Variants in PHF24 observed in about 807,000 individuals in gnomAD.
The protein encoded by PHF24 is PHD finger protein 24.
A neutral mutation model predicts 42.6 loss-of-function variants in PHF24; 25 were observed. The ratio of observed to expected loss-of-function variants is 0.59; its 90% CI spans 0.43 to 0.82. PHF24 has a LOEUF of 0.82. Among genes scored for constraint, PHF24 ranks in the 40% least tolerant of loss-of-function variants. The pLI is 0.00. For synonymous variants in PHF24, 185 were observed against 204.8 expected (o/e 0.90, Z 0.83); for missense variants, 470 against 538.1 (o/e 0.87, Z 1.25).
chr9:34,954,357 T>C (rs180802184), upstream of PHF24, among the ~76,000 whole-genome samples: 15 of 152,310 alleles, frequency 9.8e-5, no homozygotes, highest in Non-Finnish European at 1.8e-4. Context: ...TTTGGTTGGG[T>C]GTCTACCTCT....
the PHF24 span, among the ~76,000 whole-genome samples, chr9:34,800,942 A>C: frequency 5.9e-5 from 9 of 152,272 alleles, no homozygotes; most frequent in African/African-American, 1.9e-4. Flanking sequence ...TAATATCTAG[A>C]CTCTACAAGG....
At chr9:34,849,566 C>G in the PHF24 span, among the ~76,000 whole-genome samples, 1 of 152,132 alleles carries the variant, frequency 6.6e-6, no homozygotes, top group Non-Finnish European at 1.5e-5. Flanking sequence ...ATTTGCCAGT[C>G]TGTGTCTTTT....
the PHF24 span, among the ~76,000 whole-genome samples, chr9:34,929,510 G>A: frequency 7.2e-5 from 11 of 152,246 alleles, no homozygotes; most frequent in South Asian, 1.7e-3. Flanking sequence ...ATAAATATTT[G>A]TGGGGAAAAA....
intron 1 of PHF24, among the ~76,000 whole-genome samples, chr9:34,961,357 C>G (rs1456488276): frequency 6.6e-6 from 1 of 152,172 alleles, no homozygotes; most frequent in Non-Finnish European, 1.5e-5. Context: ...ACCAAGAAAC[C>G]AAGACCATCA....
chr9:34,717,804 T>G, the PHF24 span, among the ~76,000 whole-genome samples: 2 of 152,148 alleles, frequency 1.3e-5, no homozygotes, highest in African/African-American at 4.8e-5. Flanking sequence ...CCTGTCTTTG[T>G]GTCTGCATGT....
the PHF24 span, among the ~76,000 whole-genome samples, chr9:34,908,239 ACTT>A: frequency 6.6e-6 from 1 of 152,202 alleles, no homozygotes; most frequent in Non-Finnish European, 1.5e-5. Context: ...AGGAAGGGGC[ACTT>A]CTTGTTGTAA....
At chr9:34,777,724 A>G in the PHF24 span, among the ~76,000 whole-genome samples, 1 of 152,212 alleles carries the variant, frequency 6.6e-6, no homozygotes, top group African/African-American at 2.4e-5. Context: ...TCCTGGGGAC[A>G]GAAGCCCATG....
chr9:34,844,596 A>C, the PHF24 span, among the ~76,000 whole-genome samples: 1 of 152,250 alleles, frequency 6.6e-6, no homozygotes, highest in South Asian at 2.1e-4. Context: ...ATTTTTCCCA[A>C]ATTCTTCCTG....
intron 7 of PHF24, 73 bp downstream of exon 7, chr9:34,977,714 T>C: frequency 7.8e-7 from 1 of 1,283,928 alleles, no homozygotes; most frequent in Non-Finnish European, 1.1e-6. Flanking sequence ...AGAGAGGGCA[T>C]TACCCACTCC....
the PHF24 span, among the ~76,000 whole-genome samples, chr9:34,766,207 T>C: frequency 6.6e-6 from 1 of 152,210 alleles, no homozygotes; most frequent in Non-Finnish European, 1.5e-5. Flanking sequence ...AATGGTATCT[T>C]TGTGGTGTTC....
chr9:34,904,379 T>G, the PHF24 span, among the ~76,000 whole-genome samples: 1 of 152,312 alleles, frequency 6.6e-6, no homozygotes, highest in East Asian at 1.9e-4. Context: ...ATGGCTTTTA[T>G]TACATTAAGG....
At chr9:34,668,923 C>T in the PHF24 span, among the ~76,000 whole-genome samples, 2 of 152,190 alleles carry the variant, frequency 1.3e-5, no homozygotes, top group Non-Finnish European at 2.9e-5. Flanking sequence ...ATCCACTGAG[C>T]CAGACTAAGG....
intron 1 of PHF24, among the ~76,000 whole-genome samples, chr9:34,969,599 C>T (rs796162647): frequency 1.2e-4 from 18 of 151,370 alleles, no homozygotes; most frequent in African/African-American, 4.4e-4. Flanking sequence ...CAAGATCGTG[C>T]CACTGCACTC....
chr9:34,772,972 A>G, the PHF24 span, among the ~76,000 whole-genome samples: 5,788 of 151,606 alleles, frequency 0.038, 160 homozygotes, highest in South Asian at 0.064. Context: ...CAATGAGCAT[A>G]TCTAGCTCTC....
chr9:34,700,923 G>A, the PHF24 span, among the ~76,000 whole-genome samples: 3 of 152,314 alleles, frequency 2.0e-5, no homozygotes, highest in Admixed American at 2.0e-4. Flanking sequence ...ACCCACAGCT[G>A]TTGGTTTAGA....
At chr9:34,888,356 T>A in the PHF24 span, among the ~76,000 whole-genome samples, 1 of 152,286 alleles carries the variant, frequency 6.6e-6, no homozygotes, top group South Asian at 2.1e-4. Context: ...GCATAGTGCC[T>A]GCCACATAGC....
At chr9:34,850,744 T>G in the PHF24 span, among the ~76,000 whole-genome samples, 6 of 152,192 alleles carry the variant, frequency 3.9e-5, no homozygotes, top group Non-Finnish European at 8.8e-5. Flanking sequence ...CTACTTTTGG[T>G]CTTTGATGAT....
the PHF24 span, among the ~76,000 whole-genome samples, chr9:34,809,963 C>G: frequency 8.6e-5 from 13 of 150,962 alleles, no homozygotes; most frequent in East Asian, 2.6e-3. This position sits in a 1 kb window ranked among gnomAD's most constrained non-coding sequence, Gnocchi z 4.1. Context: ...AGCGCGCGCC[C>G]ACCTGCCGGC....
the PHF24 span, among the ~76,000 whole-genome samples, chr9:34,746,860 AG>A: frequency 9.2e-5 from 14 of 152,152 alleles, no homozygotes; most frequent in African/African-American, 2.9e-4. Flanking sequence ...CTGTTGCTTT[AG>A]GGTGGTCAAA....
Sources: allele counts gnomAD v4.1 joint callset (sites outside exome capture counted in the v4.1 genomes callset), GRCh38; gene constraint gnomAD v4.1.1; non-coding constraint Gnocchi (gnomAD v3.1); transcripts MANE v1.5; gene names NCBI Gene and HGNC (gene_info 2026-07-23, HGNC 2026-07-21).